The following SLC24A2 variants were observed in gnomAD, a reference collection of about 807,000 sequenced individuals.
The protein encoded by SLC24A2 is sodium/potassium/calcium exchanger 2.
In SLC24A2, 36 loss-of-function variants were observed where a neutral mutation model predicts 62.0. The ratio of observed to expected loss-of-function variants is 0.58; its 90% CI spans 0.44 to 0.77. SLC24A2 has a LOEUF of 0.77. Ranked by LOEUF, SLC24A2 falls within the 30% of genes least tolerant of loss-of-function variation. The pLI is 0.00. For synonymous variants in SLC24A2, 358 were observed against 294.0 expected, an observed-to-expected ratio of 1.22 and a Z score of -2.23; for missense variants, 846 against 817.9, an observed-to-expected ratio of 1.03 and a Z score of -0.42.
At chr9:20,167,200 C>G in the SLC24A2 span, among the ~76,000 whole-genome samples, 1 of 152,034 alleles carries the variant, frequency 6.6e-6, no homozygotes, top group Non-Finnish European at 1.5e-5. Flanking sequence ...GAACAAAAGA[C>G]TTTGACTGTA....
chr9:19,533,617 G>C (rs1439996822), intron 8 of SLC24A2, among the ~76,000 whole-genome samples: 2 of 152,222 alleles, frequency 1.3e-5, no homozygotes, highest in Non-Finnish European at 2.9e-5. Flanking sequence ...ATGTGGAGCA[G>C]AGACAAGCTG....
At chr9:19,973,503 G>C in the SLC24A2 span, among the ~76,000 whole-genome samples, 3 of 152,174 alleles carry the variant, frequency 2.0e-5, no homozygotes, top group Admixed American at 1.3e-4. Flanking sequence ...GTAGATAGAC[G>C]TGGGCGTTGG....
chr9:20,302,204 A>C, the SLC24A2 span, among the ~76,000 whole-genome samples: 1 of 152,158 alleles, frequency 6.6e-6, no homozygotes, highest in Non-Finnish European at 1.5e-5. Flanking sequence ...ATCTGTGTGT[A>C]GGTTTTTGTA....
At chr9:20,271,158 C>T in the SLC24A2 span, among the ~76,000 whole-genome samples, 2 of 152,230 alleles carry the variant, frequency 1.3e-5, no homozygotes, top group Admixed American at 1.3e-4. Context: ...CACTCACCCA[C>T]CTCAGCACCC....
the SLC24A2 span, among the ~76,000 whole-genome samples, chr9:20,192,368 A>G: frequency 0.062 from 9,354 of 152,088 alleles, 935 homozygotes; most frequent in African/African-American, 0.21. Context: ...AATGTTTTAA[A>G]TTGGGAAGAT....
chr9:20,281,703 G>C, the SLC24A2 span, among the ~76,000 whole-genome samples: 1 of 152,162 alleles, frequency 6.6e-6, no homozygotes, highest in Admixed American at 6.5e-5. Context: ...ATATCTCATA[G>C]TAGATCCATT....
chr9:19,846,934 A>G, the SLC24A2 span, among the ~76,000 whole-genome samples: 20 of 152,040 alleles, frequency 1.3e-4, no homozygotes, highest in African/African-American at 4.3e-4. Context: ...AGGTGGGAGG[A>G]TCACTTGAAC....
the SLC24A2 span, among the ~76,000 whole-genome samples, chr9:19,924,712 AAAG>A: frequency 2.0e-5 from 3 of 152,158 alleles, no homozygotes; most frequent in African/African-American, 7.2e-5. Context: ...CAGGGTGAAT[AAAG>A]GAGGAGAAAA....
At chr9:20,014,466 G>A in the SLC24A2 span, among the ~76,000 whole-genome samples, 2 of 143,760 alleles carry the variant, frequency 1.4e-5, no homozygotes, top group East Asian at 2.0e-4. Flanking sequence ...GTCAAGATAT[G>A]GAACAGATGA....
chr9:19,832,193 G>C, the SLC24A2 span, among the ~76,000 whole-genome samples: 1 of 152,170 alleles, frequency 6.6e-6, no homozygotes, highest in Non-Finnish European at 1.5e-5. Flanking sequence ...ATTTTGGTCT[G>C]GTGAGCAGAG....
chr9:19,765,539 T>G (rs1822488480), intron 2 of SLC24A2, among the ~76,000 whole-genome samples: 1 of 152,240 alleles, frequency 6.6e-6, no homozygotes. Flanking sequence ...AGGATTTTAT[T>G]TCTCCTTCAT....
chr9:19,571,082 G>A (rs1383402272), intron 7 of SLC24A2, among the ~76,000 whole-genome samples: 1 of 152,186 alleles, frequency 6.6e-6, no homozygotes, highest in African/African-American at 2.4e-5. Context: ...GCCAGATGGA[G>A]AGGCATGGGG....
the SLC24A2 span, among the ~76,000 whole-genome samples, chr9:20,032,719 C>T: frequency 6.6e-6 from 1 of 152,112 alleles, no homozygotes; most frequent in Admixed American, 6.6e-5. Context: ...TCGTAGAAAG[C>T]ATTTTGCCCT....
At chr9:19,996,230 G>C in the SLC24A2 span, among the ~76,000 whole-genome samples, 1 of 152,092 alleles carries the variant, frequency 6.6e-6, no homozygotes, top group East Asian at 1.9e-4. Flanking sequence ...TACTGTTCAG[G>C]GTAATGCTTC....
the SLC24A2 span, among the ~76,000 whole-genome samples, chr9:20,191,102 G>T: frequency 6.6e-6 from 1 of 151,306 alleles, no homozygotes; most frequent in Non-Finnish European, 1.5e-5. Flanking sequence ...AGTGCTCTTT[G>T]AGTCACTTAG....
the SLC24A2 span, among the ~76,000 whole-genome samples, chr9:20,255,930 C>T: frequency 6.6e-6 from 1 of 152,138 alleles, no homozygotes; most frequent in Non-Finnish European, 1.5e-5. Flanking sequence ...GACCAGGTAA[C>T]TGATAATGAA....
chr9:19,909,028 C>A, the SLC24A2 span, among the ~76,000 whole-genome samples: 3 of 152,186 alleles, frequency 2.0e-5, no homozygotes, highest in Non-Finnish European at 4.4e-5. Context: ...AAGACACATG[C>A]ACACGTATGT....
At chr9:19,874,811 T>C in the SLC24A2 span, among the ~76,000 whole-genome samples, 3 of 152,188 alleles carry the variant, frequency 2.0e-5, no homozygotes, top group Non-Finnish European at 2.9e-5. Flanking sequence ...TTATCTGCAT[T>C]TCCAAATTGT....
chr9:19,550,267 G>A lies in SLC24A2; in HGVS notation c.1349C>T (p.Thr450Ile), dbSNP rs755805473. 3 of 1,614,010 alleles carry A rather than the reference G, an allele frequency of 1.9e-6. No homozygotes were observed. In the South Asian group the frequency reaches 3.3e-5, roughly 18 times the overall value. Reference protein sequence around the residue: ...SHNIEGAEAQTADEEEDQPLS... With the variant: ...SHNIEGAEAQIADEEEDQPLS... ...AGGCTGGTCCTCCTCCTCATCAGCG[G>A]TCTGTGGTAGAAAAAGAGGTAAAAT... is the stretch of plus-strand genomic sequence containing the variant. Residue 450 changes from threonine (T) to isoleucine (I), a missense_variant and splice_region_variant, in exon 8 of 11, where the codon ACC becomes ATC. Thr to Ile is a moderately conservative substitution (Grantham distance 89). Coordinates refer to ENST00000341998, the MANE Select transcript of SLC24A2 (RefSeq NM_020344.4).
Sources: gnomAD v4.1 joint callset for allele counts (sites outside exome capture counted in the v4.1 genomes callset) on GRCh38, gnomAD v4.1.1 for gene constraint, MANE v1.5 for transcripts, NCBI Gene and HGNC (gene_info 2026-07-23, HGNC 2026-07-21) for gene names.